ANK2: variants seen among roughly 807,000 people sequenced by gnomAD.
ANK2 encodes the protein ankyrin-2.
A neutral mutation model predicts 360.5 loss-of-function variants in ANK2; 83 were observed. That is an observed-to-expected ratio of 0.23 (90% CI 0.19 to 0.28). The LOEUF (loss-of-function observed/expected upper bound fraction) is 0.28, where lower values mean the gene tolerates loss of function less well. ANK2 is among the 10% of genes least tolerant of loss of function. ANK2 has a pLI of 1.00. For synonymous variants in ANK2, 1,740 were observed against 1,759.5 expected (o/e 0.99, Z 0.28); for missense variants, 4,201 against 4,795.7 (o/e 0.88, Z 3.66).
chr4:113,022,509 A>C (rs532762860), intron 2 of ANK2, among the ~76,000 whole-genome samples: 2 of 152,182 alleles, frequency 1.3e-5, no homozygotes, highest in Non-Finnish European at 2.9e-5. Context: ...TCCTGTAAGC[A>C]CTTGATCATT....
At chr4:113,345,298 G>T (rs910733546) in intron 34 of ANK2, among the ~76,000 whole-genome samples, 1 of 152,124 alleles carries the variant, frequency 6.6e-6, no homozygotes, top group Non-Finnish European at 1.5e-5. Context: ...AGAGGGCAAT[G>T]GGGAGCTATT....
chr4:113,074,687 G>C (rs1170024600), intron 1 of ANK2, among the ~76,000 whole-genome samples: 1 of 152,138 alleles, frequency 6.6e-6, no homozygotes, highest in Non-Finnish European at 1.5e-5. Flanking sequence ...GGCAGAGATA[G>C]GTATCCAGGT....
chr4:113,277,762 T>C (rs948528531), intron 15 of ANK2, 75 bp from the exon 16 acceptor site: 10 of 1,217,484 alleles, frequency 8.2e-6, no homozygotes, highest in Non-Finnish European at 1.2e-5. Flanking sequence ...TTGCTCAATA[T>C]GTTAACAAAT....
chr4:112,967,526 G>A (rs375132131), intron 2 of ANK2, among the ~76,000 whole-genome samples: 3 of 152,044 alleles, frequency 2.0e-5, no homozygotes, highest in East Asian at 1.9e-4. Context: ...TTGTTATCTG[G>A]CTTTTATCTT....
At chr4:112,964,510 A>T (rs1168479183) in intron 2 of ANK2, among the ~76,000 whole-genome samples, 1 of 151,300 alleles carries the variant, frequency 6.6e-6, no homozygotes, top group African/African-American at 2.4e-5. Context: ...ACTGAATCTC[A>T]TTCTTTTTTA....
intron 43 of ANK2, 138 bp from the exon 44 acceptor site, chr4:113,372,952 G>A: frequency 1.2e-6 from 1 of 853,642 alleles, no homozygotes. Context: ...TTCACTAGTT[G>A]ACAGGATTTT....
chr4:113,315,715 G>A (rs1052960005), intron 24 of ANK2, among the ~76,000 whole-genome samples: 14 of 151,966 alleles, frequency 9.2e-5, no homozygotes, highest in African/African-American at 2.4e-4. Flanking sequence ...TGGCTAACAC[G>A]GTGAAACCCT....
At chr4:112,730,655 A>AAAAAG in the ANK2 span, among the ~76,000 whole-genome samples, 1 of 150,312 alleles carries the variant, frequency 6.7e-6, no homozygotes, top group Non-Finnish European at 1.5e-5. Context: ...AAAAAAAAAA[A>AAAAAG]AAAGAAAGAA....
intron 1 of ANK2, among the ~76,000 whole-genome samples, chr4:113,148,294 A>G (rs762142622): frequency 1.3e-5 from 2 of 152,148 alleles, no homozygotes; most frequent in Non-Finnish European, 2.9e-5. Flanking sequence ...ATGTATTTCT[A>G]TTGTGGTTTC....
intron 2 of ANK2, among the ~76,000 whole-genome samples, chr4:113,033,356 T>A (rs2060836311): frequency 6.6e-6 from 1 of 151,974 alleles, no homozygotes; most frequent in Non-Finnish European, 1.5e-5. Flanking sequence ...GATCCAGGAA[T>A]GGGATTCTTA....
chr4:113,269,467 T>TG (rs2057644269), intron 14 of ANK2, among the ~76,000 whole-genome samples: 1 of 152,236 alleles, frequency 6.6e-6, no homozygotes, highest in African/African-American at 2.4e-5. Flanking sequence ...GCGTAGTATC[T>TG]GGGCCAGAGT....
At chr4:113,336,892 T>C (rs2093613448) in intron 31 of ANK2, 111 bp downstream of exon 31, 3 of 996,420 alleles carry the variant, frequency 3.0e-6, no homozygotes, top group East Asian at 5.1e-5. Flanking sequence ...TATGCATTAA[T>C]TCAGGGAATA....
At chr4:113,331,033 C>T (rs919922155) in intron 27 of ANK2, among the ~76,000 whole-genome samples, 6 of 152,080 alleles carry the variant, frequency 3.9e-5, no homozygotes, top group African/African-American at 1.4e-4. Context: ...TAGCTTCCAC[C>T]GTGCTCGTTT....
intron 4 of ANK2, among the ~76,000 whole-genome samples, chr4:113,230,463 C>A (rs536057247): frequency 6.6e-6 from 1 of 151,114 alleles, no homozygotes; most frequent in African/African-American, 2.4e-5. Context: ...TGCAGTGAGC[C>A]AAGATTGCAC....
intron 5 of ANK2, among the ~76,000 whole-genome samples, chr4:113,233,106 G>GGTT (rs2099332584): frequency 1.3e-5 from 1 of 79,646 alleles, no homozygotes; most frequent in Non-Finnish European, 2.5e-5. Context: ...TGGCTTTTCT[G>GGTT]TTTTTTTTTT....
intron 29 of ANK2, among the ~76,000 whole-genome samples, chr4:113,334,968 C>G (rs1223968759): frequency 6.6e-6 from 1 of 151,964 alleles, no homozygotes; most frequent in African/African-American, 2.4e-5. Context: ...GGACTTTTTA[C>G]TTTTACTATC....
chr4:112,731,986 T>C, the ANK2 span, among the ~76,000 whole-genome samples: 1 of 152,126 alleles, frequency 6.6e-6, no homozygotes, highest in Non-Finnish European at 1.5e-5. Flanking sequence ...TCATATGTTG[T>C]GGTATACAAG....
At chr4:113,136,502 C>T (rs796925171) in intron 1 of ANK2, among the ~76,000 whole-genome samples, 7 of 152,038 alleles carry the variant, frequency 4.6e-5, no homozygotes, top group African/African-American at 1.4e-4. Flanking sequence ...GGCAACATGG[C>T]GAAACCCTGT....
chr4:112,947,860 T>G (rs1007153554), intron 2 of ANK2, among the ~76,000 whole-genome samples: 3 of 152,190 alleles, frequency 2.0e-5, no homozygotes, highest in African/African-American at 4.8e-5. Context: ...CACAGGCTGT[T>G]TTGATGTCAG....
Sources: allele counts gnomAD v4.1 joint callset (sites outside exome capture counted in the v4.1 genomes callset), GRCh38; gene constraint gnomAD v4.1.1; transcripts MANE v1.5; gene names NCBI Gene and HGNC (gene_info 2026-07-23, HGNC 2026-07-21).